The following PLA2G4A variants were observed in gnomAD, a reference collection of about 807,000 sequenced individuals.
The protein encoded by PLA2G4A is cytosolic phospholipase A2.
Under a neutral mutation model 81.9 loss-of-function variants are expected in PLA2G4A, and 40 were observed. The observed-to-expected ratio is 0.49, with a 90% CI of 0.38 to 0.64. The LOEUF (loss-of-function observed/expected upper bound fraction) is 0.64. Among genes scored for constraint, PLA2G4A ranks in the 30% least tolerant of loss-of-function variants. The pLI is 0.00. For missense variants in PLA2G4A, 715 were observed against 905.1 expected (o/e 0.79, Z 2.69); for synonymous variants, 302 against 296.9 (o/e 1.02, Z -0.18).
At chr1:186,950,788 T>C (rs1433489437) in intron 13 of PLA2G4A, 60 bp downstream of exon 13, 6 of 870,170 alleles carry the variant, frequency 6.9e-6, no homozygotes, top group Non-Finnish European at 1.2e-5. Context: ...GAACACTCTG[T>C]CTGATTTTCT....
chr1:186,893,159 G>A lies in PLA2G4A; in HGVS notation c.264G>A (p.Glu88=), dbSNP rs1278858259. 2.5e-6 allele frequency: 4 copies of A among 1,611,370 alleles called. No individual in the cohort carries two copies. The highest frequency in any genetic ancestry group is 3.4e-6 in the Non-Finnish European group (4 of 1,177,706). Residue 88 remains glutamate, a splice_region_variant and synonymous_variant, in exon 4 of 18, where the codon GAG becomes GAA. Transcript: ENST00000367466. ...ATCCTAATCAGGAAAATGTTTTGGA[G>A]GTAAGTGAACCATTTGGATGCTGTT... ...ILDPNQENVL[E]ITLMDANYVM...
chr1:186,918,878 T>G lies in PLA2G4A; in HGVS notation c.558+7489T>G, dbSNP rs150820159. 1.7e-3 allele frequency among the ~76,000 whole-genome samples: 266 copies of G among 152,356 alleles called. 2 individuals carry two copies. The highest frequency in any genetic ancestry group is 6.2e-3 in the African/African-American group (256 of 41,598). ...ACCACAGCATGGGGGGCCTTTATAT[T>G]CAGGTTTTGCCCAAGGGTTAGTTTA... On this transcript the variant is annotated intron_variant, in intron 7 of 17. Transcript: ENST00000367466.
In PLA2G4A at chr1:186,934,443, C is replaced by CATATATATATGTATATATAT. The variant is rs1655860490; in HGVS notation, c.695+1554_695+1555insGTATATATATATATATATAT. ...TAATTAAAAGGATTTTAAATGTGCA[C>CATATATATATGTATATATAT]ATATATATATATATATATATACATA... On this transcript the variant is annotated intron_variant, in intron 8 of 17. Coordinates refer to ENST00000367466, the MANE Select transcript of PLA2G4A (RefSeq NM_024420.3). Among the ~76,000 whole-genome samples, 3 of 99,564 alleles carry CATATATATATGTATATATAT rather than the reference C, an allele frequency of 3.0e-5. 1 individual carries two copies. In the South Asian group the frequency reaches 1.0e-3, roughly 34 times the overall value. 65.3% of individuals were successfully genotyped at this position (99,564 alleles called of 152,430 possible).
At chr1:186,924,919 G>A (rs192314045) in intron 7 of PLA2G4A, among the ~76,000 whole-genome samples, 27 of 152,112 alleles carry the variant, frequency 1.8e-4, no homozygotes, top group African/African-American at 5.3e-4. Context: ...ATGGTAGTGC[G>A]CACCTGTAGT....
At chr1:186,851,110 A>C (rs1049837889) in intron 1 of PLA2G4A, among the ~76,000 whole-genome samples, 3 of 152,016 alleles carry the variant, frequency 2.0e-5, no homozygotes, top group African/African-American at 7.2e-5. Flanking sequence ...CTGGAACTTG[A>C]ATTAAGGTCT....
chr1:186,871,803 A>G (rs1653281541), intron 3 of PLA2G4A, among the ~76,000 whole-genome samples: 1 of 152,150 alleles, frequency 6.6e-6, no homozygotes, highest in Non-Finnish European at 1.5e-5. Flanking sequence ...TTCATTTTTC[A>G]AAATGTTGTG....
chr1:186,890,778 A>C (rs944199503), intron 3 of PLA2G4A, among the ~76,000 whole-genome samples: 19 of 151,090 alleles, frequency 1.3e-4, no homozygotes, highest in African/African-American at 4.6e-4. Context: ...TGCTTGAACC[A>C]GGAGGCCGAG....
At chr1:186,857,408 T>A (rs1652624080) in intron 2 of PLA2G4A, among the ~76,000 whole-genome samples, 1 of 128,716 alleles carries the variant, frequency 7.8e-6, no homozygotes, top group Non-Finnish European at 1.6e-5. Flanking sequence ...ATAATATATA[T>A]TATATAATGT....
intron 1 of PLA2G4A, among the ~76,000 whole-genome samples, chr1:186,833,726 C>CAGTT (rs2101994622): frequency 6.6e-6 from 1 of 152,268 alleles, no homozygotes; most frequent in East Asian, 1.9e-4. Flanking sequence ...CTTGAAAATA[C>CAGTT]AGTTTACCTT....
At chr1:186,867,535 T>C (rs919808363) in intron 2 of PLA2G4A, among the ~76,000 whole-genome samples, 2 of 152,156 alleles carry the variant, frequency 1.3e-5, no homozygotes, top group African/African-American at 4.8e-5. Flanking sequence ...TTGACTTTTG[T>C]GTATTAATCT....
Position 186,911,361 on chromosome 1 carries a change from A to T in PLA2G4A, c.530A>T (p.Asn177Ile). Residue 177 changes from asparagine to isoleucine, a missense_variant, in exon 7 of 18, where the codon AAT becomes ATT. Transcript: ENST00000367466. The stretch of plus-strand genomic sequence containing the variant: ...ATGAAGAAACTCTTGGGTCCAAAGA[A>T]TAGTGAAGGATTGCATTCTGCACGT... ...ESMKKLLGPK[N>I]SEGLHSARDV... The T allele has an allele frequency of 6.2e-7, 1 of 1,611,534 alleles. No individual in the cohort carries two copies. The highest frequency in any genetic ancestry group is 8.5e-7 in the Non-Finnish European group (1 of 1,177,560).
At chr1:186,879,969 C>T (rs113117313) in intron 3 of PLA2G4A, among the ~76,000 whole-genome samples, 187 of 151,962 alleles carry the variant, frequency 1.2e-3, no homozygotes, top group African/African-American at 4.3e-3. Context: ...AGGTATATCT[C>T]CTAATGCTAT....
intron 1 of PLA2G4A, among the ~76,000 whole-genome samples, chr1:186,830,608 C>CAAAAAAAAAAAAAAAAAAAAAAAAAAAA (rs55745208): frequency 1.1e-4 from 8 of 72,692 alleles, no homozygotes; most frequent in African/African-American, 1.6e-4. Context: ...AGCTCTGTCT[C>CAAAAAAAAAAAAAAAAAAAAAAAAAAAA]AAAAAAAAAA....
intron 5 of PLA2G4A, among the ~76,000 whole-genome samples, chr1:186,903,076 C>T (rs552303760): frequency 3.3e-5 from 5 of 152,004 alleles, no homozygotes; most frequent in East Asian, 1.9e-4. Flanking sequence ...GTACAATGTA[C>T]GGAAACATGA....
chr1:186,854,685 T>G (rs1013335235), intron 2 of PLA2G4A, among the ~76,000 whole-genome samples: 7 of 151,948 alleles, frequency 4.6e-5, no homozygotes, highest in African/African-American at 1.7e-4. Flanking sequence ...TCAGCCTGCA[T>G]AGTTTACACC....
intron 7 of PLA2G4A, among the ~76,000 whole-genome samples, chr1:186,932,312 T>C (rs1381082504): frequency 6.6e-6 from 1 of 151,788 alleles, no homozygotes; most frequent in Admixed American, 6.6e-5. Flanking sequence ...TTTTTTCTTT[T>C]TGAGATGGAG....
At chr1:186,949,003 C>A (rs914661986) in intron 12 of PLA2G4A, among the ~76,000 whole-genome samples, 1 of 152,144 alleles carries the variant, frequency 6.6e-6, no homozygotes, top group Admixed American at 6.6e-5. Flanking sequence ...TGTTTTCTTC[C>A]TTCTGAAGAA....
chr1:186,974,313 G>A (rs1158527093), intron 15 of PLA2G4A, among the ~76,000 whole-genome samples: 2 of 152,004 alleles, frequency 1.3e-5, no homozygotes, highest in Non-Finnish European at 2.9e-5. Flanking sequence ...TGGCCAATAT[G>A]GTGAAACCCC....
chr1:186,907,916 A>G (rs1654798343), intron 6 of PLA2G4A, among the ~76,000 whole-genome samples: 1 of 152,244 alleles, frequency 6.6e-6, no homozygotes, highest in African/African-American at 2.4e-5. Flanking sequence ...CTTGCTTAAA[A>G]GTGGTATATT....
Sources: gnomAD v4.1 joint callset for allele counts (sites outside exome capture counted in the v4.1 genomes callset) on GRCh38, gnomAD v4.1.1 for gene constraint, MANE v1.5 for transcripts, NCBI Gene and HGNC (gene_info 2026-07-23, HGNC 2026-07-21) for gene names.